OSBPL10: variants seen among roughly 807,000 people sequenced by gnomAD.
The protein encoded by OSBPL10 is oxysterol-binding protein-related protein 10.
A neutral mutation model predicts 81.7 loss-of-function variants in OSBPL10; 49 were observed. The observed-to-expected ratio is 0.60, with a 90% CI of 0.48 to 0.76. The LOEUF (loss-of-function observed/expected upper bound fraction) is 0.76, where lower values mean the gene tolerates loss of function less well. Among genes scored for constraint, OSBPL10 ranks in the 30% least tolerant of loss-of-function variants. The probability of loss-of-function intolerance (pLI) is 0.00; values close to 1 mark genes in which losing one functional copy is unlikely to be tolerated. For synonymous variants in OSBPL10, 419 were observed against 383.6 expected, an observed-to-expected ratio of 1.09 and a Z score of -1.08; for missense variants, 923 against 987.8, an observed-to-expected ratio of 0.93 and a Z score of 0.88.
In OSBPL10 at chr3:31,725,408, A is replaced by G. The variant is rs542673846; in HGVS notation, c.1095+7849T>C. On this transcript the variant is annotated intron_variant, in intron 6 of 11. Transcript: ENST00000396556. The stretch of plus-strand genomic sequence containing the variant: ...ACTACTTTCCCCCCAGACCAACAAC[A>G]GCCAGAAGAGAAAAAGAAAAAACCC... Among the ~76,000 whole-genome samples the G allele has an allele frequency of 7.2e-5, 11 of 152,316 alleles. No homozygotes were observed. The South Asian group carries it at 2.3e-3, about 32-fold the overall frequency.
At chr3:31,897,231 C>T (rs953521225) in intron 1 of OSBPL10, among the ~76,000 whole-genome samples, 7 of 152,108 alleles carry the variant, frequency 4.6e-5, no homozygotes, top group Admixed American at 4.6e-4. Flanking sequence ...TTAGAAACCA[C>T]TGATTGAAAA....
chr3:31,867,617 C>T (rs1408665658), intron 3 of OSBPL10, among the ~76,000 whole-genome samples: 1 of 152,138 alleles, frequency 6.6e-6, no homozygotes, highest in Non-Finnish European at 1.5e-5. Context: ...GTGGTGTGCA[C>T]CTGTAATCCC....
chr3:32,010,338 A>C (rs940269385), intron 2 of OSBPL10, among the ~76,000 whole-genome samples: 4 of 152,184 alleles, frequency 2.6e-5, no homozygotes, highest in African/African-American at 9.6e-5. Flanking sequence ...TAAGCCTCTC[A>C]GTCTACAGTA....
intron 1 of OSBPL10, among the ~76,000 whole-genome samples, chr3:31,899,487 A>T (rs1026774285): frequency 1.3e-5 from 2 of 152,208 alleles, no homozygotes; most frequent in Non-Finnish European, 2.9e-5. Flanking sequence ...TTAATCACAA[A>T]TGATATAAAT....
At chr3:31,732,364 C>A (rs1385801038) in intron 6 of OSBPL10, among the ~76,000 whole-genome samples, 1 of 152,130 alleles carries the variant, frequency 6.6e-6, no homozygotes, top group Admixed American at 6.6e-5. Context: ...CATTGATAAC[C>A]AAAACCATTT....
intron 6 of OSBPL10, chr3:31,710,604 T>G (rs1292852858): frequency 6.6e-6 from 1 of 152,182 alleles, no homozygotes; most frequent in African/African-American, 2.4e-5. Flanking sequence ...TGCAAATGTG[T>G]GAACTAAGCA....
At chr3:31,924,433 G>C (rs1267324098) in intron 1 of OSBPL10, among the ~76,000 whole-genome samples, 1 of 151,996 alleles carries the variant, frequency 6.6e-6, no homozygotes, top group Non-Finnish European at 1.5e-5. Flanking sequence ...CCAGAGAGTA[G>C]ATTCAAGACT....
chr3:31,910,870 T>C (rs1364136473), intron 1 of OSBPL10, among the ~76,000 whole-genome samples: 1 of 152,132 alleles, frequency 6.6e-6, no homozygotes, highest in Non-Finnish European at 1.5e-5. Context: ...AATAAACTAC[T>C]TCATGAATTA....
chr3:31,680,443 A>C (rs190235206), intron 8 of OSBPL10, among the ~76,000 whole-genome samples: 63 of 152,204 alleles, frequency 4.1e-4, no homozygotes, highest in African/African-American at 1.5e-3. Context: ...AGACCCCAGC[A>C]CCTGCCCTGC....
At chr3:31,695,392 C>G (rs1381772872) in intron 7 of OSBPL10, among the ~76,000 whole-genome samples, 1 of 152,124 alleles carries the variant, frequency 6.6e-6, no homozygotes, top group Non-Finnish European at 1.5e-5. Flanking sequence ...ATGTCCCATT[C>G]ACCCCATCCA....
intron 4 of OSBPL10, among the ~76,000 whole-genome samples, chr3:31,798,980 C>T (rs971789757): frequency 2.0e-5 from 3 of 152,128 alleles, no homozygotes; most frequent in East Asian, 1.9e-4. Flanking sequence ...ATCTGACAGG[C>T]GGTGGAGCTC....
intron 1 of OSBPL10, among the ~76,000 whole-genome samples, chr3:31,978,377 G>C (rs1421564672): frequency 6.6e-6 from 1 of 152,174 alleles, no homozygotes; most frequent in Non-Finnish European, 1.5e-5. Context: ...AACAGTTCCT[G>C]CCACATAGTA....
intron 1 of OSBPL10, among the ~76,000 whole-genome samples, chr3:31,909,696 CAT>C (rs1171707801): frequency 6.6e-6 from 1 of 152,128 alleles, no homozygotes; most frequent in East Asian, 1.9e-4. Context: ...CTGTGACTGA[CAT>C]AACCCTCAGC....
chr3:31,876,598 T>TG (rs1701479026), intron 2 of OSBPL10, 86 bp from the exon 3 acceptor site: 1 of 1,047,132 alleles, frequency 9.5e-7, no homozygotes, highest in South Asian at 1.3e-5. Flanking sequence ...CCTAAGGGGG[T>TG]GGGGAGCCTG....
intron 2 of OSBPL10, among the ~76,000 whole-genome samples, chr3:32,027,507 A>G (rs1037410228): frequency 1.3e-5 from 2 of 151,902 alleles, no homozygotes; most frequent in African/African-American, 4.9e-5. Flanking sequence ...AAATAAGACA[A>G]ATGTTAACAA....
chr3:31,819,504 A>C (rs1450410592), intron 4 of OSBPL10, among the ~76,000 whole-genome samples: 1 of 152,152 alleles, frequency 6.6e-6, no homozygotes, highest in Non-Finnish European at 1.5e-5. Flanking sequence ...CAAGTGAATA[A>C]ATTCATCGAG....
chr3:32,049,788 G>A (rs1260902244), intron 1 of OSBPL10, among the ~76,000 whole-genome samples: 1 of 152,122 alleles, frequency 6.6e-6, no homozygotes, highest in Non-Finnish European at 1.5e-5. Context: ...AGAGCTGATG[G>A]GACTACTGGA....
chr3:31,863,688 TTATGAC>T (rs1164462011), intron 3 of OSBPL10, among the ~76,000 whole-genome samples: 1 of 152,226 alleles, frequency 6.6e-6, no homozygotes, highest in Admixed American at 6.5e-5. Context: ...AATGTGTTCC[TTATGAC>T]TATTAGTTTC....
intron 2 of OSBPL10, among the ~76,000 whole-genome samples, chr3:31,988,104 A>G (rs1237074162): frequency 6.6e-6 from 1 of 152,206 alleles, no homozygotes; most frequent in Non-Finnish European, 1.5e-5. Context: ...ATTGCCTTGG[A>G]CCACTGATCG....
Sources: gnomAD v4.1 joint callset for allele counts (sites outside exome capture counted in the v4.1 genomes callset) on GRCh38, gnomAD v4.1.1 for gene constraint, MANE v1.5 for transcripts, NCBI Gene and HGNC (gene_info 2026-07-23, HGNC 2026-07-21) for gene names.